Variants in CALB2 observed in about 807,000 individuals in gnomAD.
The protein encoded by CALB2 is calbindin 2, also known as calretinin.
In CALB2, 34 loss-of-function variants were observed where a neutral mutation model predicts 45.9. That is an observed-to-expected ratio of 0.74 (90% CI 0.56 to 0.99). The LOEUF is 0.99. CALB2 is among the 50% of genes least tolerant of loss of function. The probability of loss-of-function intolerance (pLI) is 0.00; values close to 1 mark genes in which losing one functional copy is unlikely to be tolerated. For synonymous variants in CALB2, 142 were observed against 129.6 expected, an observed-to-expected ratio of 1.10 and a Z score of -0.65; for missense variants, 344 against 339.3, an observed-to-expected ratio of 1.01 and a Z score of -0.11.
intron 8 of CALB2, 123 bp downstream of exon 8, chr16:71,384,501 A>G: frequency 5.2e-6 from 4 of 765,320 alleles, no homozygotes; most frequent in Middle Eastern, 2.3e-4. Flanking sequence ...ACACACACAC[A>G]AAACACACCA....
intron 4 of CALB2, among the ~76,000 whole-genome samples, chr16:71,378,530 A>C (rs1452367097): frequency 6.6e-6 from 1 of 152,082 alleles, no homozygotes; most frequent in Non-Finnish European, 1.5e-5. Flanking sequence ...ACAGAGCAAG[A>C]CCCTATCTCA....
At chr16:71,368,565 C>T (rs1055910432) in intron 1 of CALB2, among the ~76,000 whole-genome samples, 2 of 151,946 alleles carry the variant, frequency 1.3e-5, no homozygotes, top group Non-Finnish European at 2.9e-5. Flanking sequence ...GTGAATTAAG[C>T]CTGGATCAGG....
At chr16:71,359,719 T>G (rs1379846797) in intron 1 of CALB2, among the ~76,000 whole-genome samples, 1 of 152,184 alleles carries the variant, frequency 6.6e-6, no homozygotes, top group Non-Finnish European at 1.5e-5. Flanking sequence ...GTGGTCTGAC[T>G]CAGGCATAAA....
chr16:71,388,879 G>A (rs912065932), intron 10 of CALB2, among the ~76,000 whole-genome samples: 12 of 151,280 alleles, frequency 7.9e-5, no homozygotes, highest in Non-Finnish European at 1.0e-4. Context: ...TGTAATCCCA[G>A]CCCAGCTATT....
chr16:71,368,631 T>C (rs2042313226), intron 1 of CALB2, among the ~76,000 whole-genome samples: 1 of 152,230 alleles, frequency 6.6e-6, no homozygotes, highest in Non-Finnish European at 1.5e-5. Context: ...AGCAAGTTGC[T>C]TGCCTTCTGT....
Position 71,389,746 on chromosome 16 carries a change from T to G in CALB2, c.700-3T>G, listed in dbSNP as rs1434793641. The stretch of plus-strand genomic sequence containing the variant: ...GCTCTTACCCTCTCCCTGTATTTCC[T>G]AGGAAATGAATATTCAACAGCTCAC... On this transcript the variant is annotated splice_region_variant and splice_polypyrimidine_tract_variant and intron_variant, in intron 10 of 10. Coordinates refer to ENST00000302628, the MANE Select transcript of CALB2 (RefSeq NM_001740.5). The G allele has an allele frequency of 6.2e-7, 1 of 1,611,270 alleles. No homozygotes were observed.
rs2042207291 is a variant in CALB2 at position 71,358,754 on chromosome 16, G to A, written c.-39G>A. On this transcript the variant is annotated 5_prime_UTR_variant, in exon 1 of 11. Coordinates refer to ENST00000302628, the MANE Select transcript of CALB2 (RefSeq NM_001740.5). ...AGTGCCAGAGCCCAGCCGGCGCGGA[G>A]CGGGAGCGGTGCAGGCTGAGGTCTC... 1.3e-6 allele frequency: 2 copies of A among 1,526,958 alleles called. No homozygotes were observed. The highest frequency in any genetic ancestry group is 1.8e-5 in the Admixed American group (1 of 54,368). The allele number at this position is 1,526,958 out of a possible 1,614,324, so 94.6% of individuals were successfully genotyped here. A position where few individuals can be genotyped will look rare whatever the true frequency, so the allele number is the denominator to read the frequency against.
At chr16:71,368,297 T>C (rs2042310036) in intron 1 of CALB2, among the ~76,000 whole-genome samples, 1 of 151,778 alleles carries the variant, frequency 6.6e-6, no homozygotes, top group Non-Finnish European at 1.5e-5. Flanking sequence ...CCAAGACAGG[T>C]GGAGGATTTA....
At chr16:71,384,206 TC>T in intron 7 of CALB2, 132 bp from the exon 8 acceptor site, 2 of 990,278 alleles carry the variant, frequency 2.0e-6, no homozygotes, top group South Asian at 2.6e-5. Context: ...TTTTTGAACT[TC>T]CCACTGATTC....
At chr16:71,367,120 T>C (rs1449507574) in intron 1 of CALB2, among the ~76,000 whole-genome samples, 1 of 152,088 alleles carries the variant, frequency 6.6e-6, no homozygotes, top group East Asian at 1.9e-4. Flanking sequence ...TAAAGAAGTA[T>C]TGTCTCACTT....
intron 10 of CALB2, among the ~76,000 whole-genome samples, chr16:71,387,406 G>C (rs141136481): frequency 6.6e-6 from 1 of 151,732 alleles, no homozygotes; most frequent in African/African-American, 2.4e-5. Context: ...TGAATGAGTA[G>C]AAAGAGAGAG....
At chr16:71,379,344 A>T (rs2042458673) in intron 4 of CALB2, among the ~76,000 whole-genome samples, 1 of 152,080 alleles carries the variant, frequency 6.6e-6, no homozygotes, top group Non-Finnish European at 1.5e-5. Context: ...TGGCAATATA[A>T]TTTCCTTGAG....
intron 1 of CALB2, among the ~76,000 whole-genome samples, chr16:71,360,918 G>A (rs566552877): frequency 2.6e-5 from 4 of 152,298 alleles, no homozygotes; most frequent in Admixed American, 2.6e-4. Flanking sequence ...TGGTTTGGAA[G>A]AGGGTTTTTT....
rs374243044 is a variant in CALB2, at chr16:71,383,393, G to A, written c.426G>A (p.Lys142=). Residue 142 remains lysine, a synonymous_variant, in exon 6 of 11, where the codon AAG becomes AAA. Transcript: ENST00000302628. ...LKGFLSDLLK[K]ANRPYDEPKL... ...GATTCCTGTCAGACCTGCTGAAGAAGGCGAACCGGCCGTACGATGAGCCCA... is the reference window on the plus strand; with the variant it reads ...GATTCCTGTCAGACCTGCTGAAGAAAGCGAACCGGCCGTACGATGAGCCCA... The A allele has an allele frequency of 1.6e-5, 26 of 1,614,044 alleles. No homozygotes were observed. Among genetic ancestry groups the A allele is most frequent in the Non-Finnish European group, 2.2e-5 (26 of 1,180,016 alleles).
chr16:71,382,537 ACTTCC>A (rs1184567113), intron 4 of CALB2, among the ~76,000 whole-genome samples, 177 bp from the exon 5 acceptor site: 5 of 152,338 alleles, frequency 3.3e-5, no homozygotes, highest in African/African-American at 1.2e-4. Flanking sequence ...CTGTCGAGAT[ACTTCC>A]CTTCATTTCC....
At chr16:71,387,628 T>A (rs1450235624) in intron 10 of CALB2, among the ~76,000 whole-genome samples, 1 of 152,146 alleles carries the variant, frequency 6.6e-6, no homozygotes, top group African/African-American at 2.4e-5. Flanking sequence ...CCATGGCAAC[T>A]CACTAGAGCC....
intron 1 of CALB2, among the ~76,000 whole-genome samples, chr16:71,365,370 C>T (rs1234197035): frequency 1.3e-5 from 2 of 152,184 alleles, no homozygotes; most frequent in African/African-American, 4.8e-5. Flanking sequence ...CTGGACGCAA[C>T]ATCTTGAGTG....
chr16:71,380,032 T>A (rs2042468092), intron 4 of CALB2, among the ~76,000 whole-genome samples: 1 of 152,136 alleles, frequency 6.6e-6, no homozygotes. Context: ...GTTGCTTTTG[T>A]ATCAAGTTTT....
chr16:71,382,059 A>AGGAGG (rs2042500464), intron 4 of CALB2, among the ~76,000 whole-genome samples: 10 of 54,650 alleles, frequency 1.8e-4, no homozygotes, highest in South Asian at 9.4e-4. Flanking sequence ...GGAGGAGGAG[A>AGGAGG]GGGGGAGGGG....
Sources: allele counts gnomAD v4.1 joint callset (sites outside exome capture counted in the v4.1 genomes callset), GRCh38; gene constraint gnomAD v4.1.1; transcripts MANE v1.5; gene names NCBI Gene and HGNC (gene_info 2026-07-23, HGNC 2026-07-21).